BID: variants seen among roughly 807,000 people sequenced by gnomAD.
The protein encoded by BID is BH3-interacting domain death agonist.
BID carries 19 observed loss-of-function variants against 17.4 expected under a neutral mutation model. The observed-to-expected ratio is 1.09, with a 90% CI of 0.76 to 1.60. BID has a LOEUF of 1.60. BID is among the 40% of genes most tolerant of loss of function. The pLI, the probability that BID is intolerant of heterozygous loss-of-function variation, is 0.00. For synonymous variants in BID, 108 were observed against 102.8 expected, an observed-to-expected ratio of 1.05 and a Z score of -0.31; for missense variants, 226 against 256.0, an observed-to-expected ratio of 0.88 and a Z score of 0.80.
intron 2 of BID, among the ~76,000 whole-genome samples, chr22:17,745,534 C>T (rs1158725661): frequency 6.6e-6 from 1 of 151,948 alleles, no homozygotes; most frequent in Admixed American, 6.6e-5. Flanking sequence ...CCTGCAGTCC[C>T]AGCTACTCAT....
At chr22:17,760,806 G>A (rs999649470) in intron 1 of BID, among the ~76,000 whole-genome samples, 2 of 152,126 alleles carry the variant, frequency 1.3e-5, no homozygotes, top group Admixed American at 6.5e-5. Context: ...GGGAACATCA[G>A]CATGGGAAGA....
rs768307182 is a variant in BID, at chr22:17,773,601, C to T, written c.-59+780G>A. The T allele has an allele frequency of 1.9e-6, 3 of 1,612,454 alleles. No homozygotes were observed. Among genetic ancestry groups the T allele is most frequent in the African/African-American group, 1.3e-5 (1 of 74,938 alleles). On this transcript the variant is annotated intron_variant, in intron 1 of 5. Coordinates refer to ENST00000622694, the MANE Select transcript of BID (RefSeq NM_001196.4). The surrounding 1 kb of genome is among the most constrained non-coding windows in gnomAD (Gnocchi z 4.4). The stretch of plus-strand genomic sequence containing the variant: ...CAGCCGCAGAAGGCCCAGCCCCCAG[C>T]CCACTTACAGAATCCGCACTGTGCT...
intron 2 of BID, 35 bp downstream of exon 2, chr22:17,750,070 C>T (rs2061525345): frequency 6.2e-7 from 1 of 1,607,160 alleles, no homozygotes; most frequent in Non-Finnish European, 8.5e-7. Context: ...GACCCCGCCC[C>T]CCACAAGGCA....
chr22:17,754,682 A>G (rs2061568374), intron 1 of BID, among the ~76,000 whole-genome samples: 1 of 152,262 alleles, frequency 6.6e-6, no homozygotes, highest in African/African-American at 2.4e-5. Context: ...TCCTTGGTCA[A>G]CATCATCCCT....
intron 1 of BID, among the ~76,000 whole-genome samples, chr22:17,767,555 G>A (rs1189531967): frequency 2.0e-5 from 3 of 152,158 alleles, no homozygotes; most frequent in Admixed American, 2.0e-4. Flanking sequence ...CTCAAAAGAG[G>A]CTAAGGACAC....
chr22:17,759,905 G>A (rs2145909536), intron 1 of BID, among the ~76,000 whole-genome samples: 1 of 152,144 alleles, frequency 6.6e-6, no homozygotes, highest in African/African-American at 2.4e-5. Context: ...CACTTTGGGA[G>A]GCCGAAGCGG....
intron 1 of BID, among the ~76,000 whole-genome samples, chr22:17,772,809 G>A (rs1374190057): frequency 1.3e-5 from 2 of 152,028 alleles, no homozygotes; most frequent in Non-Finnish European, 2.9e-5. Context: ...CTGGGCATGC[G>A]ACACCCCTTC....
At chr22:17,745,846 G>A (rs1353521788) in intron 2 of BID, among the ~76,000 whole-genome samples, 11 of 152,014 alleles carry the variant, frequency 7.2e-5, no homozygotes, top group Admixed American at 5.9e-4. Context: ...GGCGTCTGTA[G>A]TCCCAGCTAC....
intron 1 of BID, among the ~76,000 whole-genome samples, chr22:17,764,434 G>A (rs1402400225): frequency 6.6e-6 from 1 of 152,172 alleles, no homozygotes; most frequent in Non-Finnish European, 1.5e-5. Context: ...CCCACACCTG[G>A]GCAAGTAGAA....
At chr22:17,757,136 C>A (rs1427644276) in intron 1 of BID, among the ~76,000 whole-genome samples, 1 of 152,174 alleles carries the variant, frequency 6.6e-6, no homozygotes, top group East Asian at 1.9e-4. Context: ...AGGCTTCGGC[C>A]GGGCACGCTG....
chr22:17,755,799 CAAAAA>C (rs72491085), intron 1 of BID, among the ~76,000 whole-genome samples: 1 of 135,900 alleles, frequency 7.4e-6, no homozygotes, highest in Non-Finnish European at 1.6e-5. Context: ...AACTCCGTCT[CAAAAA>C]AAAAAAAAAA....
chr22:17,769,500 C>T lies in BID; in HGVS notation c.-59+4881G>A, dbSNP rs531647602. Among the ~76,000 whole-genome samples, 5 of 152,330 alleles carry T rather than the reference C, an allele frequency of 3.3e-5. No individual in the cohort carries two copies. The South Asian group carries it at 6.2e-4, about 19-fold the overall frequency. ...TGGGGCTTGGGTAAACAGGAACGGA[C>T]GTGGCCATCAGGCCGGAAGGGTGTG... On this transcript the variant is annotated intron_variant, in intron 1 of 5. Coordinates refer to ENST00000622694, the MANE Select transcript of BID (RefSeq NM_001196.4). The surrounding 1 kb of genome is among the most constrained non-coding windows in gnomAD (Gnocchi z 4.8).
At chr22:17,759,791 CA>C (rs1367763725) in intron 1 of BID, among the ~76,000 whole-genome samples, 1 of 152,018 alleles carries the variant, frequency 6.6e-6, no homozygotes, top group Non-Finnish European at 1.5e-5. Context: ...ATAACTATAT[CA>C]CCACAAAAAA....
intron 2 of BID, among the ~76,000 whole-genome samples, chr22:17,745,739 G>A (rs75087713): frequency 0.039 from 5,876 of 152,114 alleles, 185 homozygotes; most frequent in African/African-American, 0.087. Context: ...AGGCCGAGGC[G>A]GGCGGATCAC....
intron 3 of BID, chr22:17,739,796 G>A: frequency 1.7e-6 from 1 of 578,898 alleles, no homozygotes; most frequent in Non-Finnish European, 3.1e-6. Context: ...TACAAGCCTG[G>A]CAGCGGCTTC....
intron 3 of BID, chr22:17,740,124 C>T: frequency 6.2e-7 from 1 of 1,609,390 alleles, no homozygotes; most frequent in Non-Finnish European, 8.5e-7. Context: ...CTGCCACGCT[C>T]CCTGCCGCCT....
At position 17,735,423 on chromosome 22, in the gene BID, A is replaced by G; in HGVS notation, c.*157T>C. ...TGTAGATATTTTAAAGTGGGTTATA[A>G]GTTTAACATTGTCTTTAAAATAGAA... On this transcript the variant is annotated 3_prime_UTR_variant, in exon 6 of 6. Coordinates refer to ENST00000622694, the MANE Select transcript of BID (RefSeq NM_001196.4). 1.3e-6 allele frequency: 1 copy of G among 765,430 alleles called. No individual in the cohort carries two copies. Among genetic ancestry groups the G allele is most frequent in the Non-Finnish European group, 2.1e-6 (1 of 469,970 alleles). 47.4% of individuals were successfully genotyped at this position (765,430 alleles called of 1,614,324 possible).
chr22:17,772,541 C>G (rs900389067), intron 1 of BID, among the ~76,000 whole-genome samples: 5 of 152,230 alleles, frequency 3.3e-5, no homozygotes, highest in African/African-American at 1.2e-4. Context: ...TCGGTCACGT[C>G]GAGGACCTGC....
intron 1 of BID, among the ~76,000 whole-genome samples, chr22:17,766,285 T>C (rs1326629809): frequency 1.3e-5 from 2 of 148,698 alleles, no homozygotes; most frequent in African/African-American, 4.9e-5. Flanking sequence ...TTTCTTTCTT[T>C]TTTTTTTTTT....
Sources: allele counts gnomAD v4.1 joint callset (sites outside exome capture counted in the v4.1 genomes callset), GRCh38; gene constraint gnomAD v4.1.1; non-coding constraint Gnocchi (gnomAD v3.1); transcripts MANE v1.5; gene names NCBI Gene and HGNC (gene_info 2026-07-23, HGNC 2026-07-21).